ABHD4: variants seen among roughly 807,000 people sequenced by gnomAD.
ABHD4 encodes the protein abhydrolase domain containing 4, N-acyl phospholipase B.
A neutral mutation model predicts 42.3 loss-of-function variants in ABHD4; 35 were observed. The ratio of observed to expected loss-of-function variants is 0.83; its 90% CI spans 0.63 to 1.10. The LOEUF (loss-of-function observed/expected upper bound fraction) is 1.10. Among genes scored for constraint, ABHD4 ranks in the 50% least tolerant of loss-of-function variants. The pLI, the probability that ABHD4 is intolerant of heterozygous loss-of-function variation, is 0.00. For synonymous variants in ABHD4, 169 were observed against 170.6 expected (o/e 0.99, Z 0.07); for missense variants, 389 against 454.8 (o/e 0.86, Z 1.32).
chr14:22,610,052 C>A, intron 6 of ABHD4, 142 bp downstream of exon 6: 1 of 743,862 alleles, frequency 1.3e-6, no homozygotes, highest in Admixed American at 3.4e-5. Flanking sequence ...TGGAAACTCT[C>A]TTTGGAATAT....
At chr14:22,604,451 C>T (rs1380717299) in intron 4 of ABHD4, among the ~76,000 whole-genome samples, 2 of 152,290 alleles carry the variant, frequency 1.3e-5, no homozygotes, top group East Asian at 1.9e-4. Flanking sequence ...GGGGTTTCAT[C>T]GTGTTAACCA....
chr14:22,602,719 G>A (rs1026631585), intron 2 of ABHD4, among the ~76,000 whole-genome samples: 2 of 152,224 alleles, frequency 1.3e-5, no homozygotes, highest in Non-Finnish European at 2.9e-5. Context: ...GGATAAGACG[G>A]TCCCGCTTAT....
At chr14:22,602,733 G>T (rs1299807721) in intron 2 of ABHD4, among the ~76,000 whole-genome samples, 1 of 152,228 alleles carries the variant, frequency 6.6e-6, no homozygotes, top group Non-Finnish European at 1.5e-5. Context: ...CGCTTATTAT[G>T]TACAGACTAC....
At position 22,601,700 on chromosome 14, in the gene ABHD4, G is replaced by A. The variant is rs1004295217; in HGVS notation, c.57G>A (p.Thr19=). The A allele has an allele frequency of 1.9e-5, 31 of 1,614,004 alleles. No individual in the cohort carries two copies. The highest frequency in any genetic ancestry group is 2.5e-5 in the Non-Finnish European group (30 of 1,180,006). ...GCTGGCTGAGTAGCTGGCTGCCCAC[G>A]TGGCGCCCCACTTCCATGTCTCAGC... is the stretch of plus-strand genomic sequence containing the variant. The part of the protein sequence containing the change: ...SQGWLSSWLP[T]WRPTSMSQLK... The change falls in exon 2 of 7, where the codon ACG becomes ACA. Residue 19 remains threonine (T), a synonymous_variant. Coordinates refer to ENST00000428304, the MANE Select transcript of ABHD4 (RefSeq NM_022060.3).
chr14:22,606,549 C>T lies in ABHD4; in HGVS notation c.752+16C>T, dbSNP rs759987548. 2 of 1,572,738 alleles carry T rather than the reference C, an allele frequency of 1.3e-6. No individual in the cohort carries two copies. Among genetic ancestry groups the T allele is most frequent in the South Asian group, 2.2e-5 (2 of 89,094 alleles). On this transcript the variant is annotated intron_variant, in intron 5 of 6. Transcript: ENST00000428304. Reference sequence around the variant, plus strand: ...AGAATCCCAGGTGAGGGCCGCTCCCCAGGCCAGCTTGGGGCAGACAGTTGT... The same window carrying T: ...AGAATCCCAGGTGAGGGCCGCTCCCTAGGCCAGCTTGGGGCAGACAGTTGT...
chr14:22,598,495 C>G (rs1175340064), intron 1 of ABHD4, 166 bp downstream of exon 1: 2 of 1,532,380 alleles, frequency 1.3e-6, no homozygotes, highest in East Asian at 2.5e-5. Context: ...TTGCATTTGC[C>G]CAGAAGAGGC....
intron 5 of ABHD4, among the ~76,000 whole-genome samples, chr14:22,608,668 A>T (rs541682377): frequency 2.8e-4 from 43 of 152,038 alleles, no homozygotes; most frequent in South Asian, 1.7e-3. Flanking sequence ...CCACCTTTTC[A>T]TCCTTCTTGG....
chr14:22,605,297 A>G (rs1338655538), intron 4 of ABHD4, among the ~76,000 whole-genome samples: 2 of 152,200 alleles, frequency 1.3e-5, no homozygotes, highest in Non-Finnish European at 2.9e-5. Context: ...ATCTTTTCCA[A>G]TGGAAAAGAT....
At chr14:22,605,094 G>C (rs1267703776) in intron 4 of ABHD4, among the ~76,000 whole-genome samples, 1 of 152,172 alleles carries the variant, frequency 6.6e-6, no homozygotes, top group African/African-American at 2.4e-5. Context: ...ATCTTCACCT[G>C]CTCTGTGTCA....
At chr14:22,607,422 G>A (rs1413850795) in intron 5 of ABHD4, among the ~76,000 whole-genome samples, 1 of 152,104 alleles carries the variant, frequency 6.6e-6, no homozygotes, top group African/African-American at 2.4e-5. Context: ...TCCTTTCTAG[G>A]GCTGTCCAAG....
chr14:22,606,717 A>G (rs899669906), intron 5 of ABHD4, among the ~76,000 whole-genome samples, 184 bp downstream of exon 5: 1 of 152,174 alleles, frequency 6.6e-6, no homozygotes, highest in Non-Finnish European at 1.5e-5. Flanking sequence ...AGGAATACAG[A>G]AGATAATAGA....
intron 1 of ABHD4, among the ~76,000 whole-genome samples, chr14:22,600,432 A>G (rs2037268857): frequency 6.6e-6 from 1 of 152,192 alleles, no homozygotes; most frequent in Non-Finnish European, 1.5e-5. Flanking sequence ...GCTCATCTGT[A>G]AAATACAGAG....
At chr14:22,602,047 C>T (rs2037291658) in intron 2 of ABHD4, among the ~76,000 whole-genome samples, 1 of 152,078 alleles carries the variant, frequency 6.6e-6, no homozygotes, top group Admixed American at 6.6e-5. Flanking sequence ...CGTACATTCT[C>T]CCCTTCCTCC....
Position 22,599,799 on chromosome 14 carries a change from TC to T in ABHD4, c.23+1474del, listed in dbSNP as rs371820514. Among the ~76,000 whole-genome samples the T allele has an allele frequency of 5.8e-4, 89 of 152,296 alleles. No homozygotes were observed. In the East Asian group the frequency reaches 0.017, roughly 28 times the overall value. ...GGCTGACAAAATCCTGTGGTCTTGG[TC>T]CCCGTGCTTCAAGCCTACAAGGAAT... On this transcript the variant is annotated intron_variant, in intron 1 of 6. Coordinates refer to ENST00000428304, the MANE Select transcript of ABHD4 (RefSeq NM_022060.3).
intron 5 of ABHD4, among the ~76,000 whole-genome samples, chr14:22,607,990 A>G (rs770178122): frequency 3.3e-5 from 5 of 152,218 alleles, no homozygotes; most frequent in Non-Finnish European, 5.9e-5. Flanking sequence ...GTTTGAGGGT[A>G]TCTACTTCAT....
At chr14:22,605,681 C>A in intron 4 of ABHD4, 1 of 496,760 alleles carries the variant, frequency 2.0e-6, no homozygotes, top group South Asian at 1.6e-5. Context: ...GGAAGTTGGC[C>A]AGCAGCCATG....
chr14:22,598,709 C>A (rs919524544), intron 1 of ABHD4: 1 of 389,328 alleles, frequency 2.6e-6, no homozygotes, highest in South Asian at 2.1e-5. Flanking sequence ...GACTTGCCCC[C>A]CAGAACGGCA....
Position 22,603,721 on chromosome 14 carries a change from A to G in ABHD4, c.444A>G (p.Gly148=). The G allele has an allele frequency of 6.3e-7, 1 of 1,598,974 alleles. No individual in the cohort carries two copies. The highest frequency in any genetic ancestry group is 8.5e-7 in the Non-Finnish European group (1 of 1,171,510). ...PSMILLGHSL[G]GFLATSYSIK... ...TGATCCTCCTGGGGCACAGTTTGGG[A>G]GGATTCCTGGCCACTTCTTACTCAA... The change falls in exon 3 of 7, where the codon GGA becomes GGG. Residue 148 remains glycine, a synonymous_variant. Transcript: ENST00000428304.
intron 5 of ABHD4, among the ~76,000 whole-genome samples, chr14:22,609,144 C>T (rs773530809): frequency 1.5e-4 from 22 of 151,548 alleles, no homozygotes; most frequent in African/African-American, 2.4e-4. Flanking sequence ...ATTACAGAAG[C>T]GCACCACCAC....
Sources: allele counts gnomAD v4.1 joint callset (sites outside exome capture counted in the v4.1 genomes callset), GRCh38; gene constraint gnomAD v4.1.1; transcripts MANE v1.5; gene names NCBI Gene and HGNC (gene_info 2026-07-23, HGNC 2026-07-21).